PRKN: variants seen among roughly 807,000 people sequenced by gnomAD.
PRKN encodes E3 ubiquitin-protein ligase parkin.
In PRKN, 56 loss-of-function variants were observed where a neutral mutation model predicts 59.5. The ratio of observed to expected loss-of-function variants is 0.94; its 90% confidence interval spans 0.76 to 1.18. The LOEUF (loss-of-function observed/expected upper bound fraction) is 1.18, where lower values mean the gene tolerates loss of function less well. PRKN is among the 50% of genes most tolerant of loss of function. PRKN has a pLI of 0.00. For synonymous variants in PRKN, 250 were observed against 222.1 expected, an observed-to-expected ratio of 1.13 and a Z score of -1.12; for missense variants, 657 against 596.4, an observed-to-expected ratio of 1.10 and a Z score of -1.06.
Position 161,696,191 on chromosome 6 carries a change from T to C in PRKN, c.871+89581A>G, listed in dbSNP as rs116278569. On this transcript the variant is annotated intron_variant, in intron 7 of 11. Coordinates refer to ENST00000366898, the MANE Select transcript of PRKN (RefSeq NM_004562.3). ...AAGGGCTTGGAAATGGTAAGCATTA[T>C]AGAATTTTGGAAAACCATTTTTTTC... Among the ~76,000 whole-genome samples the C allele has an allele frequency of 3.3e-3, 510 of 152,326 alleles. 3 individuals carry two copies. Among genetic ancestry groups the C allele is most frequent in the African/African-American group, 0.012 (487 of 41,582 alleles).
chr6:162,718,919 T>C (rs764122180), intron 1 of PRKN, among the ~76,000 whole-genome samples: 2 of 152,116 alleles, frequency 1.3e-5, no homozygotes, highest in African/African-American at 4.8e-5. Flanking sequence ...AAGCTCTGCA[T>C]GTAGTGAGAC....
intron 1 of PRKN, among the ~76,000 whole-genome samples, chr6:162,637,206 G>T (rs1008721190): frequency 1.3e-5 from 2 of 151,710 alleles, no homozygotes; most frequent in African/African-American, 4.8e-5. Context: ...GCAGTGGGCC[G>T]AGATCACGCC....
rs538676748 is a variant in PRKN, at chr6:161,458,370, G to A, written c.1084-71493C>T. ...AGCATCTCGGGTGCCTGGTGTGATC[G>A]ACCATAAGTGCAGCTGATGCAAACC... On this transcript the variant is annotated intron_variant, in intron 9 of 11. Transcript: ENST00000366898. The surrounding 1 kb of genome is among the most constrained non-coding windows in gnomAD (Gnocchi z 6.1). Among the ~76,000 whole-genome samples the A allele has an allele frequency of 3.3e-5, 5 of 152,224 alleles. No individual in the cohort carries two copies. In the East Asian group the frequency reaches 5.8e-4, roughly 18 times the overall value.
intron 4 of PRKN, among the ~76,000 whole-genome samples, chr6:162,133,389 A>C (rs1158570652): frequency 2.6e-5 from 4 of 152,204 alleles, no homozygotes; most frequent in Non-Finnish European, 2.9e-5. Context: ...ATTTGTCCTT[A>C]GCAACTGAGA....
At chr6:162,557,806 G>A (rs189098415) in intron 1 of PRKN, among the ~76,000 whole-genome samples, 4 of 152,232 alleles carry the variant, frequency 2.6e-5, no homozygotes, top group East Asian at 1.9e-4. Flanking sequence ...CACTATGCTC[G>A]GCGGATGGTG....
intron 7 of PRKN, among the ~76,000 whole-genome samples, chr6:161,622,213 C>G (rs1782931546): frequency 6.6e-6 from 1 of 152,180 alleles, no homozygotes; most frequent in African/African-American, 2.4e-5. Context: ...CTGTCACCAC[C>G]TGCTCTGGCT....
At chr6:161,717,098 AGAAACACACAG>A (rs1189300483) in intron 7 of PRKN, among the ~76,000 whole-genome samples, 28 of 152,378 alleles carry the variant, frequency 1.8e-4, no homozygotes, top group Admixed American at 7.2e-4. Flanking sequence ...AACCATGGCA[AGAAACACACAG>A]GATGTGTTAG....
chr6:162,187,953 G>A (rs925819328), intron 4 of PRKN, among the ~76,000 whole-genome samples: 18 of 152,204 alleles, frequency 1.2e-4, no homozygotes, highest in South Asian at 8.3e-4. Flanking sequence ...CAATTCCCAC[G>A]TCATAAGAGG....
chr6:161,660,227 A>G (rs1050515916), intron 7 of PRKN, among the ~76,000 whole-genome samples: 1 of 152,160 alleles, frequency 6.6e-6, no homozygotes, highest in Non-Finnish European at 1.5e-5. Flanking sequence ...CGTAGTACGC[A>G]TTGCTGAGCT....
intron 1 of PRKN, among the ~76,000 whole-genome samples, chr6:162,588,519 G>C (rs1312714177): frequency 6.6e-6 from 1 of 152,044 alleles, no homozygotes; most frequent in Non-Finnish European, 1.5e-5. Flanking sequence ...CCTGTGCTTT[G>C]TGCGGTCCTG....
intron 2 of PRKN, among the ~76,000 whole-genome samples, chr6:162,415,925 C>T (rs1411645597): frequency 6.6e-6 from 1 of 152,166 alleles, no homozygotes; most frequent in Non-Finnish European, 1.5e-5. Flanking sequence ...CAGCAACACT[C>T]GTTAATAGGC....
chr6:162,236,279 T>C (rs1778706213), intron 3 of PRKN, among the ~76,000 whole-genome samples: 1 of 152,192 alleles, frequency 6.6e-6, no homozygotes, highest in South Asian at 2.1e-4. Context: ...GGATTGCTTG[T>C]CCCTACTGAT....
chr6:161,693,313 C>T (rs557202309), intron 7 of PRKN, among the ~76,000 whole-genome samples: 1 of 152,042 alleles, frequency 6.6e-6, no homozygotes, highest in South Asian at 2.1e-4. Flanking sequence ...ATTTTTTTCC[C>T]TCCATTCTTT....
At chr6:162,258,651 T>C (rs1351044449) in intron 3 of PRKN, among the ~76,000 whole-genome samples, 1 of 152,238 alleles carries the variant, frequency 6.6e-6, no homozygotes, top group Non-Finnish European at 1.5e-5. Flanking sequence ...GGGAGCTTGC[T>C]GGAAACGCAA....
At chr6:162,663,517 A>G (rs1324168232) in intron 1 of PRKN, among the ~76,000 whole-genome samples, 3 of 152,208 alleles carry the variant, frequency 2.0e-5, no homozygotes, top group Admixed American at 6.5e-5. Context: ...AAACAATCAC[A>G]AAACGAAGAG....
chr6:162,301,792 GGT>G (rs1781972035), intron 2 of PRKN, among the ~76,000 whole-genome samples: 2 of 110,726 alleles, frequency 1.8e-5, no homozygotes, highest in Admixed American at 1.1e-4. Flanking sequence ...GCGGGGGGGG[GGT>G]GCAGAATTCA....
At chr6:162,165,005 T>A (rs1238069862) in intron 4 of PRKN, among the ~76,000 whole-genome samples, 2 of 148,534 alleles carry the variant, frequency 1.3e-5, no homozygotes, top group South Asian at 4.2e-4. Context: ...GTATCTTTAC[T>A]CTGTCTTTAT....
intron 6 of PRKN, among the ~76,000 whole-genome samples, chr6:161,951,219 A>C (rs777998625): frequency 1.4e-4 from 22 of 152,132 alleles, no homozygotes; most frequent in Admixed American, 7.2e-4. Context: ...GTATGGCAAG[A>C]CAGGCTGGGG....
intron 1 of PRKN, among the ~76,000 whole-genome samples, chr6:162,528,947 G>A (rs932760644): frequency 1.3e-5 from 2 of 151,958 alleles, no homozygotes; most frequent in African/African-American, 4.8e-5. Context: ...GCGTGATCTC[G>A]GCTCACTGCA....
Sources: allele counts gnomAD v4.1 joint callset (sites outside exome capture counted in the v4.1 genomes callset), GRCh38; gene constraint gnomAD v4.1.1; non-coding constraint Gnocchi (gnomAD v3.1); transcripts MANE v1.5; gene names NCBI Gene and HGNC (gene_info 2026-07-23, HGNC 2026-07-21).